Variants in SEC24C observed in about 807,000 individuals in gnomAD.
SEC24C encodes the protein SEC24 homolog C, COPII component, also known as protein transport protein Sec24C.
In SEC24C, 22 loss-of-function variants were observed where a neutral mutation model predicts 117.0. The observed-to-expected ratio is 0.19, with a 90% CI of 0.13 to 0.27. The LOEUF (loss-of-function observed/expected upper bound fraction) is 0.27. SEC24C is among the 10% of genes least tolerant of loss of function. SEC24C has a pLI of 1.00. For missense variants in SEC24C, 1,155 were observed against 1,375.1 expected (o/e 0.84, Z 2.53); for synonymous variants, 506 against 529.4 (o/e 0.96, Z 0.61).
chr10:73,761,718 T>C (rs1276163459), intron 6 of SEC24C, among the ~76,000 whole-genome samples: 3 of 152,088 alleles, frequency 2.0e-5, no homozygotes, highest in African/African-American at 7.2e-5. Flanking sequence ...GAGAGTCTGG[T>C]TGGACATGAA....
In SEC24C at chr10:73,763,618, C is replaced by G. The variant is rs1458614689; in HGVS notation, c.1099+17C>G. 1 of 1,482,274 alleles carries G rather than the reference C, an allele frequency of 6.7e-7. No homozygotes were observed. Among genetic ancestry groups the G allele is most frequent in the African/African-American group, 1.4e-5 (1 of 70,842 alleles). The allele number at this position is 1,482,274 out of a possible 1,614,324, so 91.8% of individuals were successfully genotyped here. On this transcript the variant is annotated intron_variant, in intron 7 of 22. Coordinates refer to ENST00000345254, the MANE Select transcript of SEC24C (RefSeq NM_198597.3). ...AAGACCAAGGTGAGAATGGAATTAG[C>G]TCCTCCCACAGGGGCTTTTTCTTCA... is the stretch of plus-strand genomic sequence containing the variant.
intron 3 of SEC24C, among the ~76,000 whole-genome samples, chr10:73,755,203 G>A (rs1589515218): frequency 1.3e-5 from 2 of 152,138 alleles, no homozygotes; most frequent in East Asian, 3.8e-4. Flanking sequence ...CCGGGAGAGT[G>A]TGGTGTCCTG....
chr10:73,760,528 T>G, intron 5 of SEC24C, 142 bp downstream of exon 5: 1 of 1,192,926 alleles, frequency 8.4e-7, no homozygotes, highest in Non-Finnish European at 1.2e-6. Context: ...ATTCCTAGGA[T>G]ATGGGGTTTG....
chr10:73,768,268 C>T (rs2082916579), intron 15 of SEC24C, among the ~76,000 whole-genome samples: 1 of 152,140 alleles, frequency 6.6e-6, no homozygotes, highest in African/African-American at 2.4e-5. Flanking sequence ...CCTGTAATCC[C>T]AGCTACTCAG....
At position 73,769,396 on chromosome 10, in the gene SEC24C, A is replaced by T. The variant is rs1267419934; in HGVS notation, c.2474A>T (p.His825Leu). 1 of 1,614,032 alleles carries T rather than the reference A, an allele frequency of 6.2e-7. No homozygotes were observed. Among genetic ancestry groups the T allele is most frequent in the African/African-American group, 1.3e-5 (1 of 74,924 alleles). ...GCAGGGCAGCGTCGGCTCCGCATCC[A>T]TAATCTGGCCCTGAACTGCTGCACC... ...SCAGQRRLRI[H>L]NLALNCCTQL... Residue 825 changes from histidine (H) to leucine (L), a missense_variant, in exon 18 of 23, where the codon CAT (histidine) becomes CTT (leucine). Around this residue, in one of 2 missense-constraint regions of SEC24C, gnomAD observed 759 missense variants for 992.3 expected, o/e 0.76. Coordinates refer to ENST00000345254, the MANE Select transcript of SEC24C (RefSeq NM_198597.3). The surrounding 1 kb of genome is among the most constrained non-coding windows in gnomAD (Gnocchi z 4.5).
rs370035175 is a variant in SEC24C, at chr10:73,766,870, G to A, written c.1893+17G>A. ...GCTCTGAAGGTAAGGCTGGAGTATC[G>A]GGCAACCTCCTCTAACTCCATTTTC... is the stretch of plus-strand genomic sequence containing the variant. On this transcript the variant is annotated intron_variant, in intron 13 of 22. Coordinates refer to ENST00000345254, the MANE Select transcript of SEC24C (RefSeq NM_198597.3). 5 of 1,604,924 alleles carry A rather than the reference G, an allele frequency of 3.1e-6. No individual in the cohort carries two copies. In the African/African-American group the frequency reaches 4.0e-5, roughly 13 times the overall value.
chr10:73,769,694 T>C lies in SEC24C; in HGVS notation c.2643T>C (p.Cys881=), dbSNP rs748751452. ...LITQCAQILA[C]YRKNCASPSS... ...CCCAGTGTGCCCAGATCCTGGCCTG[T>C]TACAGAAAGAACTGTGCTAGCCCCT... The change falls in exon 19 of 23, where the codon TGT becomes TGC. Residue 881 remains cysteine, a synonymous_variant. Coordinates refer to ENST00000345254, the MANE Select transcript of SEC24C (RefSeq NM_198597.3). This position sits in a 1 kb window ranked among gnomAD's most constrained non-coding sequence, Gnocchi z 4.5. The C allele has an allele frequency of 6.2e-7, 1 of 1,614,228 alleles. No individual in the cohort carries two copies. The highest frequency in any genetic ancestry group is 1.1e-5 in the South Asian group (1 of 91,082).
At chr10:73,770,161 C>G (rs1330985267) in intron 20 of SEC24C, 119 bp from the exon 21 acceptor site, 1 of 1,248,944 alleles carries the variant, frequency 8.0e-7, no homozygotes, top group Admixed American at 2.1e-5. Flanking sequence ...GAGAGAGTTA[C>G]TGAGACCCCA....
intron 10 of SEC24C, 26 bp from the exon 11 acceptor site, chr10:73,766,060 C>T (rs1462300301): frequency 3.1e-6 from 5 of 1,608,570 alleles, no homozygotes; most frequent in Middle Eastern, 1.6e-4. Context: ...CATTCCCCCT[C>T]TCCCCAACAT....
rs2132585325 is a variant in SEC24C, at chr10:73,770,638, C to T, written c.3055-71C>T. On this transcript the variant is annotated intron_variant, in intron 21 of 22. Coordinates refer to ENST00000345254, the MANE Select transcript of SEC24C (RefSeq NM_198597.3). ...GTTTGCCTGTTTCAGATGATGCATA[C>T]ATGTATGCTGCCCCACCTTGACTGA... 2.6e-6 allele frequency: 4 copies of T among 1,544,840 alleles called. No homozygotes were observed. In the South Asian group the frequency reaches 3.3e-5, roughly 13 times the overall value.
At chr10:73,763,737 G>A in intron 7 of SEC24C, 119 bp from the exon 8 acceptor site, 1 of 1,020,934 alleles carries the variant, frequency 9.8e-7, no homozygotes, top group South Asian at 1.7e-5. Context: ...TAGTCCCTCT[G>A]GGGGAAAAAG....
intron 6 of SEC24C, chr10:73,762,164 C>G (rs1331019237): frequency 7.8e-7 from 1 of 1,289,638 alleles, no homozygotes; most frequent in Non-Finnish European, 1.0e-6. Flanking sequence ...CATTCCTAGT[C>G]CAGTAAGTGC....
At chr10:73,745,597 G>A (rs183887361) in intron 1 of SEC24C, among the ~76,000 whole-genome samples, 1 of 151,664 alleles carries the variant, frequency 6.6e-6, no homozygotes, top group Admixed American at 6.6e-5. Flanking sequence ...TGCTCAGGCT[G>A]GAGTGCAGTG....
Position 73,765,864 on chromosome 10 carries a change from T to C in SEC24C, c.1431T>C (p.Pro477=), listed in dbSNP as rs573242472. 1.2e-6 allele frequency: 2 copies of C among 1,614,136 alleles called. No individual in the cohort carries two copies. Among genetic ancestry groups the C allele is most frequent in the East Asian group, 4.5e-5 (2 of 44,890 alleles). Residue 477 remains proline, a synonymous_variant, in exon 10 of 23, where the codon CCT becomes CCC. Coordinates refer to ENST00000345254, the MANE Select transcript of SEC24C (RefSeq NM_198597.3). ...AACGTGTGGATGCTTATGACCGCCC[T>C]GAGCTATCCCTGGGCTCTTATGAAT... ...TGKRVDAYDR[P]ELSLGSYEFL...
In SEC24C at chr10:73,747,406, G is replaced by A. The variant is rs187310738; in HGVS notation, c.172+402G>A. Among the ~76,000 whole-genome samples, 152 of 150,450 alleles carry A rather than the reference G, an allele frequency of 1.0e-3. 1 individual carries two copies. The highest frequency in any genetic ancestry group is 3.6e-3 in the African/African-American group (149 of 40,902). ...GAGTCTCTCTCTGTCGCCCAGGCTG[G>A]AGTGCAGTGGCACCCTCTTGGCTGC... On this transcript the variant is annotated intron_variant, in intron 2 of 22. Coordinates refer to ENST00000345254, the MANE Select transcript of SEC24C (RefSeq NM_198597.3).
At chr10:73,765,306 C>G (rs1421665083) in intron 8 of SEC24C, 145 bp from the exon 9 acceptor site, 27 of 795,198 alleles carry the variant, frequency 3.4e-5, no homozygotes, top group Non-Finnish European at 5.0e-5. Context: ...TGTCTTTACT[C>G]CCTTTCATCA....
intron 6 of SEC24C, 81 bp from the exon 7 acceptor site, chr10:73,763,409 C>G: frequency 1.1e-6 from 1 of 935,544 alleles, no homozygotes; most frequent in African/African-American, 1.6e-5. Context: ...TGTTACAGCT[C>G]TAGCCTTTTT....
chr10:73,766,623 G>A (rs886085579), intron 12 of SEC24C, 82 bp downstream of exon 12: 176 of 1,489,540 alleles, frequency 1.2e-4, no homozygotes, highest in Non-Finnish European at 1.4e-4. Flanking sequence ...CAGAGGTATT[G>A]GACAGTAGAT....
chr10:73,760,774 C>A lies in SEC24C; in HGVS notation c.912C>A (p.Pro304=). Residue 304 remains proline, a synonymous_variant, in exon 6 of 23, where the codon CCC becomes CCA. Coordinates refer to ENST00000345254, the MANE Select transcript of SEC24C (RefSeq NM_198597.3). ...ATGGAGGCCCCTACCCAGCAGCACC[C>A]ACCTTTGGCAGTCAGCCTGGGCCTC... The part of the protein sequence containing the change: ...SNYGGPYPAA[P]TFGSQPGPPQ... 6.2e-7 allele frequency: 1 copy of A among 1,614,116 alleles called. No homozygotes were observed. Among genetic ancestry groups the A allele is most frequent in the Non-Finnish European group, 8.5e-7 (1 of 1,179,996 alleles).
Sources: allele counts gnomAD v4.1 joint callset (sites outside exome capture counted in the v4.1 genomes callset), GRCh38; gene constraint gnomAD v4.1.1; regional missense constraint gnomAD v4.1.1; non-coding constraint Gnocchi (gnomAD v3.1); transcripts MANE v1.5; gene names NCBI Gene and HGNC (gene_info 2026-07-23, HGNC 2026-07-21).